Variants in TANC2 observed in about 807,000 individuals in gnomAD.
The protein encoded by TANC2 is protein TANC2.
In TANC2, 26 loss-of-function variants were observed where a neutral mutation model predicts 210.5. The observed-to-expected ratio is 0.12, with a 90% CI of 0.09 to 0.17. TANC2 has a LOEUF of 0.17. TANC2 is among the 10% of genes least tolerant of loss of function. The probability of loss-of-function intolerance (pLI) is 1.00; values close to 1 mark genes in which losing one functional copy is unlikely to be tolerated. For synonymous variants in TANC2, 931 were observed against 967.1 expected (o/e 0.96, Z 0.69); for missense variants, 2,129 against 2,608.9 (o/e 0.82, Z 4.01).
chr17:63,238,656 TA>T (rs1265381711), intron 8 of TANC2, among the ~76,000 whole-genome samples: 1 of 151,970 alleles, frequency 6.6e-6, no homozygotes, highest in Non-Finnish European at 1.5e-5. Context: ...CAAACTCGGT[TA>T]AAAAAAATTG....
chr17:63,414,102 A>G (rs1293376975), intron 25 of TANC2: 1 of 152,624 alleles, frequency 6.6e-6, no homozygotes, highest in Non-Finnish European at 1.5e-5. Flanking sequence ...ATTTGTTTGA[A>G]ATCATTCACT....
At chr17:63,169,421 C>T (rs959435624) in intron 5 of TANC2, among the ~76,000 whole-genome samples, 2 of 152,168 alleles carry the variant, frequency 1.3e-5, no homozygotes, top group African/African-American at 4.8e-5. Context: ...ACAGATGCTT[C>T]CCAGTGCTGA....
At chr17:63,281,536 A>G (rs947324192) in intron 9 of TANC2, among the ~76,000 whole-genome samples, 1 of 152,110 alleles carries the variant, frequency 6.6e-6, no homozygotes, top group Non-Finnish European at 1.5e-5. Context: ...AATCCGGCTA[A>G]GTTAACTTGA....
At position 63,412,654 on chromosome 17, in the gene TANC2, CT is replaced by C. The variant is rs1567998604; in HGVS notation, c.3899-21del. Reference sequence around the variant, plus strand: ...TCCATTTTTTTTTCCTCTCCTACAACTTTTTGTTTTCTCCTTTCTTTGAAGG... The same window carrying C: ...TCCATTTTTTTTTCCTCTCCTACAACTTTTGTTTTCTCCTTTCTTTGAAGG... On this transcript the variant is annotated intron_variant, in intron 23 of 27. Transcript: ENST00000689528. The surrounding 1 kb of genome is among the most constrained non-coding windows in gnomAD (Gnocchi z 4.2). 2.0e-6 allele frequency: 3 copies of C among 1,497,674 alleles called. No homozygotes were observed. The highest frequency in any genetic ancestry group is 2.7e-6 in the Non-Finnish European group (3 of 1,117,626). The allele number at this position is 1,497,674 out of a possible 1,614,324, so 92.8% of individuals were successfully genotyped here.
At chr17:63,293,763 G>A (rs1156517040) in intron 9 of TANC2, among the ~76,000 whole-genome samples, 3 of 151,232 alleles carry the variant, frequency 2.0e-5, no homozygotes, top group Non-Finnish European at 2.9e-5. Flanking sequence ...TTTTTTTCCC[G>A]TGGGTGCCCG....
intron 5 of TANC2, among the ~76,000 whole-genome samples, chr17:63,181,023 CAAAAAAAAAAAAAAAA>C (rs1171748208): frequency 6.5e-5 from 2 of 30,644 alleles, no homozygotes; most frequent in Non-Finnish European, 6.5e-5. Flanking sequence ...GACTCCATCT[CAAAAAAAAAAAAAAAA>C]AAAAAAAAAA....
Position 63,420,830 on chromosome 17 carries a change from C to A in TANC2, c.5100C>A (p.Asn1700Lys). The change falls in exon 28 of 28, where the codon AAC becomes AAA. Residue 1700 changes from asparagine to lysine, a missense_variant. Asn to Lys is a moderately conservative substitution (Grantham distance 94). This residue lies in a region of TANC2 where 584 missense variants were observed against 627.3 expected (regional missense o/e 0.93). Coordinates refer to ENST00000689528, the Ensembl canonical transcript of TANC2. The surrounding 1 kb of genome is among the most constrained non-coding windows in gnomAD (Gnocchi z 4.2). ...CCAAGGCCCAGATTGTGAGAAGTAA[C>A]CAGCCCAGCCCAGCCGTCCATTCAA... is the stretch of plus-strand genomic sequence containing the variant. 6.2e-7 allele frequency: 1 copy of A among 1,613,952 alleles called. No homozygotes were observed. The highest frequency in any genetic ancestry group is 8.5e-7 in the Non-Finnish European group (1 of 1,179,874).
intron 5 of TANC2, among the ~76,000 whole-genome samples, chr17:63,185,730 T>C (rs1335773538): frequency 1.3e-5 from 2 of 152,192 alleles, no homozygotes; most frequent in Non-Finnish European, 2.9e-5. Context: ...CTCATTGGAG[T>C]TTTGATTTGC....
rs889305425 is a variant in TANC2 at position 62,966,679 on chromosome 17, C to G, written c.-94C>G. ...AATCGCGGGCGGCGCCGGCGGGCGG[C>G]GCGGTCCTCACAGGAGACCCCGGGG... is the stretch of plus-strand genomic sequence containing the variant. On this transcript the variant is annotated 5_prime_UTR_variant, in exon 1 of 28. Transcript: ENST00000689528. The surrounding 1 kb of genome is among the most constrained non-coding windows in gnomAD (Gnocchi z 5.1). 2 of 152,460 alleles carry G rather than the reference C, an allele frequency of 1.3e-5. No individual in the cohort carries two copies. The highest frequency in any genetic ancestry group is 2.4e-5 in the African/African-American group (1 of 41,422). 9.4% of individuals were successfully genotyped at this position (152,460 alleles called of 1,614,324 possible). A position where few individuals can be genotyped will look rare whatever the true frequency, so the allele number is the denominator to read the frequency against.
chr17:63,081,464 G>A (rs2036767447), intron 3 of TANC2, among the ~76,000 whole-genome samples: 2 of 152,174 alleles, frequency 1.3e-5, no homozygotes, highest in Admixed American at 1.3e-4. Flanking sequence ...GCATATGCAA[G>A]GATGCGTATG....
At chr17:63,162,115 G>A (rs1298139871) in intron 5 of TANC2, among the ~76,000 whole-genome samples, 1 of 151,920 alleles carries the variant, frequency 6.6e-6, no homozygotes, top group Non-Finnish European at 1.5e-5. Context: ...GACCAGTGTG[G>A]GCAATATAGC....
At chr17:63,209,426 G>A (rs892438293) in intron 7 of TANC2, among the ~76,000 whole-genome samples, 7 of 151,330 alleles carry the variant, frequency 4.6e-5, no homozygotes, top group Non-Finnish European at 8.8e-5. Flanking sequence ...CTTTTTGTTT[G>A]TTTGTTTGTT....
intron 6 of TANC2, among the ~76,000 whole-genome samples, chr17:63,195,168 C>T (rs1265443027): frequency 1.3e-5 from 2 of 152,134 alleles, no homozygotes; most frequent in East Asian, 3.8e-4. Context: ...TTGCTAGCTG[C>T]ACATTATTTA....
chr17:63,367,433 G>GT (rs1412005652), intron 14 of TANC2, among the ~76,000 whole-genome samples: 1 of 152,134 alleles, frequency 6.6e-6, no homozygotes, highest in African/African-American at 2.4e-5. Context: ...GGTATCTGTA[G>GT]TGTTAGTATA....
intron 1 of TANC2, among the ~76,000 whole-genome samples, chr17:62,989,987 T>C (rs578101500): frequency 4.6e-5 from 7 of 152,164 alleles, no homozygotes; most frequent in Admixed American, 3.9e-4. Flanking sequence ...TTGGTCAGTC[T>C]GGTCTGCTCT....
intron 2 of TANC2, among the ~76,000 whole-genome samples, chr17:63,043,345 A>T (rs1052165644): frequency 6.6e-6 from 1 of 152,114 alleles, no homozygotes; most frequent in African/African-American, 2.4e-5. Context: ...TTTGATTAGT[A>T]TTCACACACA....
chr17:63,405,185 C>T (rs761251537), exon 20 of TANC2: 3 of 1,611,984 alleles, frequency 1.9e-6, no homozygotes, highest in Non-Finnish European at 2.5e-6. Context: ...GAACAAGGGG[C>T]GGCAGTGGCC....
chr17:63,110,204 A>T (rs73341741), intron 4 of TANC2, among the ~76,000 whole-genome samples: 3,281 of 151,642 alleles, frequency 0.022, 236 homozygotes, highest in African/African-American at 0.075. Flanking sequence ...AAGTTCCTGC[A>T]TGGCTTTACA....
intron 4 of TANC2, among the ~76,000 whole-genome samples, chr17:63,118,220 C>A (rs533459521): frequency 6.6e-6 from 1 of 152,228 alleles, no homozygotes; most frequent in South Asian, 2.1e-4. Flanking sequence ...ATTTCATTAA[C>A]TGGAGTGTTT....
Sources: gnomAD v4.1 joint callset for allele counts (sites outside exome capture counted in the v4.1 genomes callset) on GRCh38, gnomAD v4.1.1 for gene constraint, gnomAD v4.1.1 regional missense constraint, Gnocchi (gnomAD v3.1) non-coding constraint, MANE v1.5 for transcripts, NCBI Gene and HGNC (gene_info 2026-07-23, HGNC 2026-07-21) for gene names.